Variants in POU2F3 observed in about 807,000 individuals in gnomAD.
POU2F3 encodes the protein POU domain, class 2, transcription factor 3.
A neutral mutation model predicts 59.2 loss-of-function variants in POU2F3; 23 were observed. The ratio of observed to expected loss-of-function variants is 0.39; its 90% confidence interval spans 0.28 to 0.55. The LOEUF is 0.55. POU2F3 is among the 20% of genes least tolerant of loss of function. POU2F3 has a pLI of 0.66. For missense variants in POU2F3, 473 were observed against 544.5 expected (o/e 0.87, Z 1.31); for synonymous variants, 190 against 214.6 (o/e 0.89, Z 1.00).
At chr11:120,302,506 C>T (rs1941376699) in intron 6 of POU2F3, 138 bp downstream of exon 6, 6 of 742,122 alleles carry the variant, frequency 8.1e-6, no homozygotes, top group Non-Finnish European at 1.3e-5. Context: ...TATCCATTGG[C>T]ACAGGGGAAA....
At chr11:120,299,582 G>A (rs1591433221) in intron 4 of POU2F3, 42 bp from the exon 5 acceptor site, 1 of 1,572,340 alleles carries the variant, frequency 6.4e-7, no homozygotes, top group African/African-American at 1.3e-5. Flanking sequence ...GATGTCCCCA[G>A]CTTGTAAATT....
chr11:120,258,119 C>G (rs116667143), intron 2 of POU2F3, among the ~76,000 whole-genome samples: 6,890 of 152,260 alleles, frequency 0.045, 191 homozygotes, highest in African/African-American at 0.074. Flanking sequence ...CTGAGCTGCA[C>G]TAAGCACATC....
At chr11:120,306,421 A>T (rs1173253147) in intron 8 of POU2F3, among the ~76,000 whole-genome samples, 1 of 152,122 alleles carries the variant, frequency 6.6e-6, no homozygotes, top group Non-Finnish European at 1.5e-5. Flanking sequence ...GGGCTTCTCA[A>T]CCTTGGCACT....
At chr11:120,294,869 C>G (rs1941145611) in intron 3 of POU2F3, among the ~76,000 whole-genome samples, 1 of 151,990 alleles carries the variant, frequency 6.6e-6, no homozygotes, top group Non-Finnish European at 1.5e-5. Flanking sequence ...TTTGGGGTTA[C>G]TATCAGCACT....
rs774321656 is a variant in POU2F3 at position 120,305,142 on chromosome 11, G to A, written c.557G>A (p.Ser186Asn). 2.5e-6 allele frequency: 4 copies of A among 1,613,742 alleles called. No homozygotes were observed. Among genetic ancestry groups the A allele is most frequent in the Admixed American group, 3.3e-5 (2 of 59,964 alleles). ...LPSSGGADEP[S>N]DLEELEKFAK... The stretch of plus-strand genomic sequence containing the variant: ...AGCTCTGGAGGGGCCGATGAGCCCA[G>A]TGACCTCGAGGAGCTGGAGAAGTTT... Residue 186 changes from serine (S) to asparagine (N), a missense_variant, in exon 7 of 13, where the codon AGT becomes AAT. Transcript: ENST00000543440.
intron 1 of POU2F3, among the ~76,000 whole-genome samples, chr11:120,240,894 C>T (rs575652830): frequency 2.6e-5 from 4 of 152,148 alleles, no homozygotes; most frequent in African/African-American, 9.7e-5. Flanking sequence ...GGGGCCATGC[C>T]CCCATGTGTT....
At chr11:120,239,323 G>C (rs1938576931), upstream of POU2F3, among the ~76,000 whole-genome samples, 1 of 152,230 alleles carries the variant, frequency 6.6e-6, no homozygotes, top group South Asian at 2.1e-4. Flanking sequence ...TATGATGGGT[G>C]CTGCAAAGAG....
At chr11:120,291,322 GAGTTA>G (rs1362938802) in intron 3 of POU2F3, among the ~76,000 whole-genome samples, 4 of 152,230 alleles carry the variant, frequency 2.6e-5, no homozygotes, top group African/African-American at 9.6e-5. Flanking sequence ...ACTGGATAGG[GAGTTA>G]GCAGATCCGT....
At chr11:120,267,482 C>T (rs1939876284) in intron 2 of POU2F3, among the ~76,000 whole-genome samples, 1 of 152,074 alleles carries the variant, frequency 6.6e-6, no homozygotes, top group Non-Finnish European at 1.5e-5. Context: ...CATTTTGCAT[C>T]TCACCTCTCC....
chr11:120,244,215 T>A (rs1274980754), intron 1 of POU2F3, among the ~76,000 whole-genome samples: 1 of 152,170 alleles, frequency 6.6e-6, no homozygotes, highest in African/African-American at 2.4e-5. Context: ...GTTTCCCAGA[T>A]AAAGGACAAA....
intron 3 of POU2F3, among the ~76,000 whole-genome samples, chr11:120,283,687 T>C (rs1940663071): frequency 6.6e-6 from 1 of 152,102 alleles, no homozygotes; most frequent in African/African-American, 2.4e-5. Flanking sequence ...CTCAGGTTCC[T>C]GTTCATCTTT....
intron 6 of POU2F3, 71 bp from the exon 7 acceptor site, chr11:120,304,942 TAAAAAAAAAAAAAAAAA>T (rs11443197): frequency 3.6e-4 from 122 of 336,076 alleles, no homozygotes; most frequent in South Asian, 2.4e-3. Flanking sequence ...GGCCTATTAG[TAAAAAAAAAAAAAAAAA>T]AAAAAAAAAA....
At chr11:120,237,800 GGGA>G (rs1213671316), upstream of POU2F3, among the ~76,000 whole-genome samples, 2 of 152,134 alleles carry the variant, frequency 1.3e-5, no homozygotes, top group Admixed American at 6.5e-5. Context: ...CCTGAAGTTG[GGGA>G]GGAGAAGAAA....
At chr11:120,245,309 T>C (rs58594771) in intron 1 of POU2F3, among the ~76,000 whole-genome samples, 6,560 of 152,206 alleles carry the variant, frequency 0.043, 302 homozygotes, top group African/African-American at 0.11. Flanking sequence ...TCTACCCTTT[T>C]TCCTCATCCT....
intron 3 of POU2F3, among the ~76,000 whole-genome samples, chr11:120,281,745 T>C (rs1292324582): frequency 6.6e-6 from 1 of 152,196 alleles, no homozygotes; most frequent in African/African-American, 2.4e-5. Flanking sequence ...GACAGTGTGG[T>C]TGCAGATCGA....
intron 3 of POU2F3, among the ~76,000 whole-genome samples, chr11:120,289,340 C>T (rs1940938024): frequency 6.6e-6 from 1 of 152,216 alleles, no homozygotes; most frequent in South Asian, 2.1e-4. Context: ...TTCTTGAGTT[C>T]TTACTTAGGC....
intron 2 of POU2F3, among the ~76,000 whole-genome samples, chr11:120,255,126 T>C (rs1245094549): frequency 2.0e-5 from 3 of 152,108 alleles, no homozygotes; most frequent in African/African-American, 7.2e-5. Context: ...TCCCCCAGAC[T>C]CCCAGTCTTC....
Position 120,240,375 on chromosome 11 carries a change from A to AT in POU2F3, c.28+4_28+5insT. 1 of 1,423,822 alleles carries AT rather than the reference A, an allele frequency of 7.0e-7. No individual in the cohort carries two copies. The highest frequency in any genetic ancestry group is 1.8e-5 in the South Asian group (1 of 56,882). The allele number at this position is 1,423,822 out of a possible 1,614,324, so 88.2% of individuals were successfully genotyped here. A position where few individuals can be genotyped will look rare whatever the true frequency, so the allele number is the denominator to read the frequency against. ...AATCTGGAGTCCATGCACACAGGTG[A>AT]GGGGCGGAGGGAATGAGCTCTGACA... On this transcript the variant is annotated splice_donor_region_variant and intron_variant, in intron 1 of 12. Transcript: ENST00000543440.
At chr11:120,236,820 C>G (rs1938514976), upstream of POU2F3, 13 of 1,113,446 alleles carry the variant, frequency 1.2e-5, no homozygotes, top group South Asian at 1.4e-4. Flanking sequence ...ACCCTATACA[C>G]AGGTGGGACT....
Sources: gnomAD v4.1 joint callset for allele counts (sites outside exome capture counted in the v4.1 genomes callset) on GRCh38, gnomAD v4.1.1 for gene constraint, MANE v1.5 for transcripts, NCBI Gene and HGNC (gene_info 2026-07-23, HGNC 2026-07-21) for gene names.